Variants in MRPL22 observed in about 807,000 individuals in gnomAD.
MRPL22 encodes the protein large ribosomal subunit protein uL22m.
A neutral mutation model predicts 32.4 loss-of-function variants in MRPL22; 27 were observed. That is an observed-to-expected ratio of 0.83 (90% CI 0.61 to 1.15). The LOEUF (loss-of-function observed/expected upper bound fraction) is 1.15, where lower values mean the gene tolerates loss of function less well. MRPL22 is among the 50% of genes most tolerant of loss of function. The probability of loss-of-function intolerance (pLI) is 0.00; values close to 1 mark genes in which losing one functional copy is unlikely to be tolerated. For missense variants in MRPL22, 239 were observed against 260.2 expected (o/e 0.92, Z 0.56); for synonymous variants, 86 against 87.3 (o/e 0.99, Z 0.08).
intron 6 of MRPL22, among the ~76,000 whole-genome samples, chr5:154,964,160 G>A (rs1473815197): frequency 1.3e-5 from 2 of 152,202 alleles, no homozygotes; most frequent in African/African-American, 2.4e-5. Flanking sequence ...ACAATAAGCG[G>A]TAGTTTTGAA....
chr5:154,947,659 A>T (rs758311431), intron 2 of MRPL22, among the ~76,000 whole-genome samples: 7 of 152,220 alleles, frequency 4.6e-5, no homozygotes, highest in Non-Finnish European at 1.0e-4. Context: ...CGTACCAGAC[A>T]TTGTTCTTGG....
intron 6 of MRPL22, among the ~76,000 whole-genome samples, chr5:154,962,632 A>G (rs1764719578): frequency 6.6e-6 from 1 of 152,216 alleles, no homozygotes; most frequent in South Asian, 2.1e-4. Flanking sequence ...TGTAAAGCTA[A>G]TACCTGGTGT....
intron 6 of MRPL22, 150 bp downstream of exon 6, chr5:154,960,199 T>A: frequency 1.7e-6 from 1 of 605,898 alleles, no homozygotes; most frequent in African/African-American, 1.9e-5. Context: ...GCTGTATGCA[T>A]GCCAATTTTA....
chr5:154,947,583 G>A (rs12187890), intron 2 of MRPL22, among the ~76,000 whole-genome samples: 17,597 of 152,214 alleles, frequency 0.12, 1,241 homozygotes, highest in African/African-American at 0.19. Context: ...ATATTTGTAT[G>A]AGAATATGCC....
chr5:154,967,054 T>C lies in MRPL22; in HGVS notation c.*157T>C. On this transcript the variant is annotated 3_prime_UTR_variant, in exon 7 of 7. Transcript: ENST00000523037. This position sits in a 1 kb window ranked among gnomAD's most constrained non-coding sequence, Gnocchi z 4.7. ...TGAATATTTATAAGGCTTTGCCCATTTCTTTTGAGCCTCTGGGCATATTTG... is the reference window on the plus strand; with the variant it reads ...TGAATATTTATAAGGCTTTGCCCATCTCTTTTGAGCCTCTGGGCATATTTG... 1 of 867,418 alleles carries C rather than the reference T, an allele frequency of 1.2e-6. No individual in the cohort carries two copies. Among genetic ancestry groups the C allele is most frequent in the East Asian group, 2.7e-5 (1 of 37,152 alleles). The allele number at this position is 867,418 out of a possible 1,614,324, so 53.7% of individuals were successfully genotyped here.
chr5:154,955,665 A>C lies in MRPL22; in HGVS notation c.196-706A>C, dbSNP rs1236265156. The C allele has an allele frequency of 2.0e-5, 3 of 152,370 alleles. No individual in the cohort carries two copies. The East Asian group carries it at 5.8e-4, about 29-fold the overall frequency. The allele number at this position is 152,370 out of a possible 1,614,324, so 9.4% of individuals were successfully genotyped here. On this transcript the variant is annotated intron_variant, in intron 3 of 6. Transcript: ENST00000523037. The stretch of plus-strand genomic sequence containing the variant: ...AATAATGAGTGAAAAGTGCTTTTTG[A>C]ACTATACATTGTAATTAAACAGGAC...
intron 2 of MRPL22, among the ~76,000 whole-genome samples, chr5:154,941,469 C>T (rs1431761170): frequency 6.6e-6 from 1 of 152,170 alleles, no homozygotes; most frequent in Non-Finnish European, 1.5e-5. Context: ...TTACCCATAA[C>T]CCAAGGGCGA....
chr5:154,956,346 T>C, intron 3 of MRPL22, 25 bp from the exon 4 acceptor site: 2 of 1,522,944 alleles, frequency 1.3e-6, no homozygotes, highest in South Asian at 1.1e-5. Context: ...ATTTTCTTTC[T>C]GTCCTTTTTT....
intron 3 of MRPL22, among the ~76,000 whole-genome samples, chr5:154,952,319 G>C (rs1400994225): frequency 6.6e-6 from 1 of 152,146 alleles, no homozygotes; most frequent in Non-Finnish European, 1.5e-5. Flanking sequence ...TATATCCCAA[G>C]TGGCAAAATT....
intron 6 of MRPL22, among the ~76,000 whole-genome samples, chr5:154,964,887 T>C (rs1764746514): frequency 6.6e-6 from 1 of 152,218 alleles, no homozygotes; most frequent in African/African-American, 2.4e-5. Flanking sequence ...TGTAAAATGC[T>C]TTTTAGAAGT....
intron 6 of MRPL22, among the ~76,000 whole-genome samples, chr5:154,960,467 A>G (rs1413699219): frequency 6.6e-6 from 1 of 152,178 alleles, no homozygotes; most frequent in Non-Finnish European, 1.5e-5. Context: ...CTAATCCATA[A>G]AGGTGTCCTG....
chr5:154,956,297 C>A, intron 3 of MRPL22, 74 bp from the exon 4 acceptor site: 1 of 975,786 alleles, frequency 1.0e-6, no homozygotes, highest in Non-Finnish European at 1.6e-6. Context: ...ACTTAAATAA[C>A]AGTATATGTT....
chr5:154,965,417 C>T (rs1020797877), intron 6 of MRPL22, among the ~76,000 whole-genome samples: 22 of 150,824 alleles, frequency 1.5e-4, no homozygotes, highest in Admixed American at 3.3e-4. Flanking sequence ...AACAGTTCTT[C>T]TTATGTACTA....
chr5:154,949,265 T>C (rs1261148851), intron 2 of MRPL22, among the ~76,000 whole-genome samples: 5 of 152,200 alleles, frequency 3.3e-5, no homozygotes, highest in African/African-American at 4.8e-5. Flanking sequence ...CTAGTACTTA[T>C]TGGATTTTGG....
chr5:154,947,690 C>T (rs1347290485), intron 2 of MRPL22, among the ~76,000 whole-genome samples: 3 of 152,136 alleles, frequency 2.0e-5, no homozygotes, highest in South Asian at 2.1e-4. Context: ...CAAAGAAAGT[C>T]GGACTTGCCC....
rs748153158 is a variant in MRPL22 at position 154,950,946 on chromosome 5, C to T, written c.195+8C>T. 2.5e-5 allele frequency: 38 copies of T among 1,541,058 alleles called. No homozygotes were observed. The highest frequency in any genetic ancestry group is 5.6e-5 in the South Asian group (5 of 89,316). On this transcript the variant is annotated splice_region_variant and intron_variant, in intron 3 of 6. Transcript: ENST00000523037. The stretch of plus-strand genomic sequence containing the variant: ...GAACCTCGGAGACCAGCAGTAAGTT[C>T]GTGGGTAGAACTAATCTCTTAATTG...
chr5:154,966,551 A>T, intron 6 of MRPL22, 135 bp from the exon 7 acceptor site: 1 of 830,028 alleles, frequency 1.2e-6, no homozygotes, highest in Non-Finnish European at 1.9e-6. Context: ...AGTTGTTTTG[A>T]GACAAGCCTG....
At chr5:154,946,056 A>G (rs999659924) in intron 2 of MRPL22, among the ~76,000 whole-genome samples, 2 of 152,228 alleles carry the variant, frequency 1.3e-5, no homozygotes, top group Admixed American at 1.3e-4. Flanking sequence ...CTTTGACATT[A>G]TTAATTCATA....
At chr5:154,962,919 C>T (rs958092278) in intron 6 of MRPL22, among the ~76,000 whole-genome samples, 1 of 152,108 alleles carries the variant, frequency 6.6e-6, no homozygotes, top group African/African-American at 2.4e-5. Flanking sequence ...GAAATATTTG[C>T]TGTGTGTATA....
Sources: allele counts gnomAD v4.1 joint callset (sites outside exome capture counted in the v4.1 genomes callset), GRCh38; gene constraint gnomAD v4.1.1; non-coding constraint Gnocchi (gnomAD v3.1); transcripts MANE v1.5; gene names NCBI Gene and HGNC (gene_info 2026-07-23, HGNC 2026-07-21).